FANCB: variants seen among roughly 807,000 people sequenced by gnomAD.
FANCB encodes Fanconi anemia group B protein.
In FANCB, 5 loss-of-function variants were observed where a neutral mutation model predicts 38.9. The observed-to-expected ratio is 0.13, with a 90% CI of 0.07 to 0.27. FANCB has a LOEUF of 0.27. FANCB is among the 10% of genes least tolerant of loss of function. FANCB has a pLI of 1.00. For synonymous variants in FANCB, 236 were observed against 215.4 expected (o/e 1.10, Z -0.84); for missense variants, 573 against 602.7 (o/e 0.95, Z 0.52).
the FANCB span, among the ~76,000 whole-genome samples, chrX:14,809,536 C>A: frequency 8.9e-6 from 1 of 112,057 alleles, no homozygotes; most frequent in African/African-American, 3.2e-5. Flanking sequence ...ATATCCTGCA[C>A]CTGTCTCGGA....
chrX:14,850,517 G>A lies in FANCB; in HGVS notation c.1484C>T (p.Ser495Phe). Residue 495 changes from serine (S) to phenylalanine (F), a missense_variant, in exon 7 of 10, where the codon TCT (serine) becomes TTT (phenylalanine). Transcript: ENST00000650831. ...DSLVVGVKTT[S>F]SLKLSLNDVT... The stretch of plus-strand genomic sequence containing the variant: ...GGAATTTACTTACAGCTTCAAAGAA[G>A]ATGTAGTTTTCACTCCAACAACCAA... The A allele has an allele frequency of 8.3e-7, 1 of 1,201,188 alleles. No homozygotes were observed. The highest frequency in any genetic ancestry group is 3.0e-5 in the East Asian group (1 of 33,761).
chrX:14,801,358 G>A, the FANCB span, among the ~76,000 whole-genome samples: 1 of 111,920 alleles, frequency 8.9e-6, no homozygotes. Flanking sequence ...CCCACAAACA[G>A]TTGTTTCTTG....
the FANCB span, among the ~76,000 whole-genome samples, chrX:14,747,976 T>C: frequency 3.3e-3 from 368 of 111,799 alleles, 1 homozygote; most frequent in African/African-American, 0.011. Flanking sequence ...GAGGTGTCTG[T>C]ATTTTGGGCC....
At chrX:14,811,507 G>A in the FANCB span, among the ~76,000 whole-genome samples, 50 of 110,498 alleles carry the variant, frequency 4.5e-4, no homozygotes, top group Non-Finnish European at 8.0e-4. Context: ...AAAAGGCAGG[G>A]GTTGCAATCC....
chrX:14,812,077 C>T, the FANCB span, among the ~76,000 whole-genome samples: 35 of 110,403 alleles, frequency 3.2e-4, no homozygotes, highest in African/African-American at 1.1e-3. Flanking sequence ...GGGTACATAA[C>T]AAAATGAAGG....
At chrX:14,775,624 G>A in the FANCB span, among the ~76,000 whole-genome samples, 2 of 111,669 alleles carry the variant, frequency 1.8e-5, no homozygotes, top group African/African-American at 6.5e-5. Flanking sequence ...TGGGCTCAGT[G>A]CCAGAAATCT....
chrX:14,781,985 C>T, the FANCB span, among the ~76,000 whole-genome samples: 1 of 111,951 alleles, frequency 8.9e-6, no homozygotes, highest in African/African-American at 3.2e-5. Context: ...AAACTTACAA[C>T]TGCAGGTCTA....
chrX:14,788,464 C>A, the FANCB span, among the ~76,000 whole-genome samples: 1 of 111,229 alleles, frequency 9.0e-6, no homozygotes, highest in South Asian at 3.8e-4. Flanking sequence ...GGGTGAAGAA[C>A]CATTGCTGTC....
chrX:14,693,788 A>C, the FANCB span, among the ~76,000 whole-genome samples: 232 of 112,310 alleles, frequency 2.1e-3, no homozygotes, highest in African/African-American at 7.1e-3. Context: ...GATAACTAGA[A>C]CATCTCTATA....
chrX:14,833,821 T>A (rs1300845459), downstream of FANCB, among the ~76,000 whole-genome samples: 1 of 110,845 alleles, frequency 9.0e-6, no homozygotes, highest in Non-Finnish European at 1.9e-5. Flanking sequence ...TAAAAACCAC[T>A]ATTTATATAT....
chrX:14,788,374 G>A, the FANCB span, among the ~76,000 whole-genome samples: 2 of 111,552 alleles, frequency 1.8e-5, no homozygotes, highest in Non-Finnish European at 3.8e-5. Flanking sequence ...GCACTGCCCA[G>A]CCTGGTCATG....
the FANCB span, among the ~76,000 whole-genome samples, chrX:14,719,220 A>G: frequency 6.3e-5 from 7 of 111,962 alleles, no homozygotes; most frequent in Non-Finnish European, 1.1e-4. Context: ...AAAGACTTCA[A>G]TGGGTGAAAC....
At chrX:14,711,281 G>A in the FANCB span, among the ~76,000 whole-genome samples, 1 of 112,355 alleles carries the variant, frequency 8.9e-6, no homozygotes, top group Non-Finnish European at 1.9e-5. Flanking sequence ...TGTCCTGTTT[G>A]TATCTCATAA....
At chrX:14,771,110 C>T in the FANCB span, among the ~76,000 whole-genome samples, 1 of 111,034 alleles carries the variant, frequency 9.0e-6, no homozygotes, top group Non-Finnish European at 1.9e-5. Context: ...GATTATGTTT[C>T]TTGGGGTTGA....
At chrX:14,817,823 GT>G in the FANCB span, among the ~76,000 whole-genome samples, 2 of 111,490 alleles carry the variant, frequency 1.8e-5, no homozygotes, top group East Asian at 2.8e-4. Context: ...TAATCTAATT[GT>G]TTTCTAGATG....
intron 2 of FANCB, among the ~76,000 whole-genome samples, chrX:14,867,070 T>C (rs1351922859): frequency 9.0e-6 from 1 of 111,172 alleles, no homozygotes; most frequent in Non-Finnish European, 1.9e-5. Flanking sequence ...AATATACTGA[T>C]GAAAAAAATT....
At chrX:14,724,464 A>G in the FANCB span, among the ~76,000 whole-genome samples, 1 of 108,672 alleles carries the variant, frequency 9.2e-6, no homozygotes, top group South Asian at 4.1e-4. Context: ...CGTCTCTACT[A>G]AAAATACAAA....
At chrX:14,745,798 A>C in the FANCB span, among the ~76,000 whole-genome samples, 19 of 98,622 alleles carry the variant, frequency 1.9e-4, no homozygotes, top group East Asian at 3.2e-3. Flanking sequence ...CTCCCGGGTT[A>C]ACGCCATTCT....
chrX:14,810,537 G>C, the FANCB span, among the ~76,000 whole-genome samples: 5 of 112,034 alleles, frequency 4.5e-5, no homozygotes, highest in Non-Finnish European at 7.5e-5. Flanking sequence ...CTCAGGACCT[G>C]ACACGATCAA....
Sources: gnomAD v4.1 joint callset for allele counts (sites outside exome capture counted in the v4.1 genomes callset) on GRCh38, gnomAD v4.1.1 for gene constraint, MANE v1.5 for transcripts, NCBI Gene and HGNC (gene_info 2026-07-23, HGNC 2026-07-21) for gene names.